Variants in XRCC2 observed in about 807,000 individuals in gnomAD.
XRCC2 encodes the protein X-ray repair cross complementing 2.
XRCC2 carries 24 observed loss-of-function variants against 27.3 expected under a neutral mutation model. That is an observed-to-expected ratio of 0.88 (90% CI 0.64 to 1.24). The LOEUF (loss-of-function observed/expected upper bound fraction) is 1.24. XRCC2 is among the 50% of genes most tolerant of loss of function. The pLI, the probability that XRCC2 is intolerant of heterozygous loss-of-function variation, is 0.00. For synonymous variants in XRCC2, 106 were observed against 115.4 expected, an observed-to-expected ratio of 0.92 and a Z score of 0.52; for missense variants, 321 against 325.8, an observed-to-expected ratio of 0.99 and a Z score of 0.11.
chr7:152,659,564 G>A (rs1209376610), intron 2 of XRCC2, among the ~76,000 whole-genome samples: 1 of 151,102 alleles, frequency 6.6e-6, no homozygotes, highest in Non-Finnish European at 1.5e-5. Context: ...CAACATCATT[G>A]GCCGTGAGGA....
intron 1 of XRCC2, among the ~76,000 whole-genome samples, chr7:152,667,210 C>A (rs2098036159): frequency 6.6e-6 from 1 of 151,468 alleles, no homozygotes. Context: ...GAGTTCGAGA[C>A]CAGCCTGACC....
intron 1 of XRCC2, among the ~76,000 whole-genome samples, chr7:152,673,939 T>A (rs79343405): frequency 6.6e-6 from 1 of 152,254 alleles, no homozygotes; most frequent in African/African-American, 2.4e-5. Flanking sequence ...TGGCTTCAGA[T>A]ATATTCCTCA....
chr7:152,674,885 C>G (rs1021483031), intron 1 of XRCC2, among the ~76,000 whole-genome samples: 1 of 150,344 alleles, frequency 6.7e-6, no homozygotes, highest in Admixed American at 6.7e-5. Context: ...CAGGCTAAAT[C>G]CAAAAAACAA....
intron 1 of XRCC2, among the ~76,000 whole-genome samples, chr7:152,663,003 G>A (rs865894443): frequency 9.9e-5 from 15 of 152,220 alleles, no homozygotes; most frequent in African/African-American, 3.4e-4. Context: ...TAGGTAAAAT[G>A]TTGACTACAA....
At chr7:152,674,129 T>A (rs182419075) in intron 1 of XRCC2, among the ~76,000 whole-genome samples, 1 of 152,234 alleles carries the variant, frequency 6.6e-6, no homozygotes, top group East Asian at 1.9e-4. Flanking sequence ...CTATTCACCA[T>A]TCCACCCCAC....
intron 1 of XRCC2, among the ~76,000 whole-genome samples, chr7:152,667,892 G>A (rs372368794): frequency 6.6e-6 from 1 of 152,024 alleles, no homozygotes; most frequent in African/African-American, 2.4e-5. Flanking sequence ...GCTAGGCATG[G>A]TGGTGGGCGC....
At chr7:152,650,826 C>T (rs2098028198) in intron 2 of XRCC2, among the ~76,000 whole-genome samples, 1 of 152,132 alleles carries the variant, frequency 6.6e-6, no homozygotes, top group Non-Finnish European at 1.5e-5. Context: ...ACAGAGGTTG[C>T]AGTGAGCTGA....
chr7:152,647,110 G>A lies in XRCC2; in HGVS notation c.*1532C>T, dbSNP rs554472287. On this transcript the variant is annotated 3_prime_UTR_variant, in exon 3 of 3. Coordinates refer to ENST00000359321, the MANE Select transcript of XRCC2 (RefSeq NM_005431.2). ...TTATAATAGCCATTTGGACTGGTGT[G>A]AGATGGTATCTCGTTGTTGTTTCGA... 6.6e-6 allele frequency: 1 copy of A among 152,300 alleles called. No individual in the cohort carries two copies. The highest frequency in any genetic ancestry group is 2.4e-5 in the African/African-American group (1 of 41,564). 9.4% of individuals were successfully genotyped at this position (152,300 alleles called of 1,614,324 possible).
chr7:152,660,835 G>A, intron 1 of XRCC2, 53 bp from the exon 2 acceptor site: 1 of 1,455,582 alleles, frequency 6.9e-7, no homozygotes, highest in Non-Finnish European at 9.4e-7. Context: ...TAAAATCCTA[G>A]ACATCTATAT....
At chr7:152,670,212 G>A (rs541234819) in intron 1 of XRCC2, among the ~76,000 whole-genome samples, 1 of 152,220 alleles carries the variant, frequency 6.6e-6, no homozygotes, top group Admixed American at 6.5e-5. Context: ...CATTCTTCAA[G>A]GTTCCTTCCC....
chr7:152,666,619 TA>T (rs1459796397), intron 1 of XRCC2, among the ~76,000 whole-genome samples: 14 of 140,170 alleles, frequency 1.0e-4, no homozygotes, highest in African/African-American at 3.6e-4. Context: ...ACAGATTCTT[TA>T]TTTTTTTTTT....
At chr7:152,668,305 T>C (rs2098036797) in intron 1 of XRCC2, among the ~76,000 whole-genome samples, 1 of 152,086 alleles carries the variant, frequency 6.6e-6, no homozygotes, top group African/African-American at 2.4e-5. Context: ...CATTACTGTA[T>C]GGGAAAAAAC....
At chr7:152,662,748 T>C (rs1203891650) in intron 1 of XRCC2, among the ~76,000 whole-genome samples, 3 of 151,266 alleles carry the variant, frequency 2.0e-5, no homozygotes, top group African/African-American at 7.3e-5. Flanking sequence ...AATTTTTTTG[T>C]ATTTTTAGTA....
In XRCC2 at chr7:152,647,136, T is replaced by C. The variant is rs1217292994; in HGVS notation, c.*1506A>G. ...AGATGGTATCTCGTTGTTGTTTCGATTTGCATTTCTCTAATGATCAGTGAT... is the reference window on the plus strand; with the variant it reads ...AGATGGTATCTCGTTGTTGTTTCGACTTGCATTTCTCTAATGATCAGTGAT... On this transcript the variant is annotated 3_prime_UTR_variant, in exon 3 of 3. Transcript: ENST00000359321. The C allele has an allele frequency of 6.6e-6, 1 of 152,246 alleles. No individual in the cohort carries two copies. The allele number at this position is 152,246 out of a possible 1,614,324, so 9.4% of individuals were successfully genotyped here.
intron 2 of XRCC2, 102 bp downstream of exon 2, chr7:152,660,594 TTAACC>T: frequency 1.1e-6 from 1 of 906,794 alleles, no homozygotes; most frequent in Non-Finnish European, 1.6e-6. Context: ...ATTGTACAGT[TTAACC>T]TGTATAAACT....
chr7:152,648,469 C>T lies in XRCC2; in HGVS notation c.*173G>A. ...CGAGCAGTGGCTCACGCCTGTAATC[C>T]CTGCACTCTAGGAGGCACACATAGG... On this transcript the variant is annotated 3_prime_UTR_variant, in exon 3 of 3. Coordinates refer to ENST00000359321, the MANE Select transcript of XRCC2 (RefSeq NM_005431.2). 1.7e-6 allele frequency: 1 copy of T among 604,702 alleles called. No individual in the cohort carries two copies. Among genetic ancestry groups the T allele is most frequent in the Non-Finnish European group, 2.6e-6 (1 of 380,096 alleles). The allele number at this position is 604,702 out of a possible 1,614,324, so 37.5% of individuals were successfully genotyped here. A position where few individuals can be genotyped will look rare whatever the true frequency, so the allele number is the denominator to read the frequency against.
chr7:152,649,106 G>GT lies in XRCC2; in HGVS notation c.378dup (p.Leu127ThrfsTer13), dbSNP rs1204822050. On this transcript the variant is annotated frameshift_variant, in exon 3 of 3. Transcript: ENST00000359321. LOFTEE classifies it high-confidence loss of function. ...CTTTCTAGTGAGTAAAGTGTAAGAA[G>GT]TAAGTGGGTGCTACTACTGCAGTAC... The GT allele has an allele frequency of 6.2e-7, 1 of 1,614,106 alleles. No individual in the cohort carries two copies. The highest frequency in any genetic ancestry group is 1.7e-5 in the Admixed American group (1 of 59,994).
chr7:152,647,449 GTCT>G lies in XRCC2; in HGVS notation c.*1190_*1192del, dbSNP rs1377833662. 6.7e-6 allele frequency: 1 copy of G among 149,642 alleles called. No homozygotes were observed. The highest frequency in any genetic ancestry group is 1.5e-5 in the Non-Finnish European group (1 of 68,004). 9.3% of individuals were successfully genotyped at this position (149,642 alleles called of 1,614,324 possible). On this transcript the variant is annotated 3_prime_UTR_variant, in exon 3 of 3. Coordinates refer to ENST00000359321, the MANE Select transcript of XRCC2 (RefSeq NM_005431.2). ...TGCTTCTGTTGCAATTGTTTTTGGCGTCTTCGTCATGAAATCTTTGCCTGTGCC... is the reference window on the plus strand; with the variant it reads ...TGCTTCTGTTGCAATTGTTTTTGGCGTCGTCATGAAATCTTTGCCTGTGCC...
chr7:152,658,855 A>G (rs1431865498), intron 2 of XRCC2, among the ~76,000 whole-genome samples: 2 of 152,220 alleles, frequency 1.3e-5, no homozygotes, highest in Non-Finnish European at 2.9e-5. Flanking sequence ...CCCCCCAGGG[A>G]TTCATTATAA....
Sources: allele counts gnomAD v4.1 joint callset (sites outside exome capture counted in the v4.1 genomes callset), GRCh38; gene constraint gnomAD v4.1.1; transcripts MANE v1.5; gene names NCBI Gene and HGNC (gene_info 2026-07-23, HGNC 2026-07-21).